The following BOLL variants were observed in gnomAD, a reference collection of about 807,000 sequenced individuals.
BOLL encodes protein boule-like.
A neutral mutation model predicts 44.4 loss-of-function variants in BOLL; 23 were observed. The ratio of observed to expected loss-of-function variants is 0.52; its 90% CI spans 0.37 to 0.73. The LOEUF (loss-of-function observed/expected upper bound fraction) is 0.73, where lower values mean the gene tolerates loss of function less well. Among genes scored for constraint, BOLL ranks in the 30% least tolerant of loss-of-function variants. The probability of loss-of-function intolerance (pLI) is 0.00; values close to 1 mark genes in which losing one functional copy is unlikely to be tolerated. For synonymous variants in BOLL, 97 were observed against 110.8 expected (o/e 0.88, Z 0.78); for missense variants, 287 against 338.3 (o/e 0.85, Z 1.19).
chr2:197,757,316 A>C, intron 8 of BOLL, 37 bp downstream of exon 8: 1 of 1,556,718 alleles, frequency 6.4e-7, no homozygotes, highest in Non-Finnish European at 8.8e-7. Flanking sequence ...ATAATGAAAG[A>C]AGGATTTAAA....
At chr2:197,739,711 A>G (rs1485875572) in intron 10 of BOLL, among the ~76,000 whole-genome samples, 1 of 152,190 alleles carries the variant, frequency 6.6e-6, no homozygotes, top group Admixed American at 6.6e-5. Flanking sequence ...TCACAGATCT[A>G]AGAACATTTA....
In BOLL at chr2:197,784,446, A is replaced by C. The variant is rs1441063442; in HGVS notation, c.-16+610T>G. Reference sequence around the variant, plus strand: ...TATATATATATATATATATATATATATATTTGAGACAGTCTTGCTCTGTCG... The same window carrying C: ...TATATATATATATATATATATATATCTATTTGAGACAGTCTTGCTCTGTCG... On this transcript the variant is annotated intron_variant, in intron 1 of 10. Transcript: ENST00000392296. Among the ~76,000 whole-genome samples the C allele has an allele frequency of 1.2e-3, 103 of 82,464 alleles. 1 individual carries two copies. The highest frequency in any genetic ancestry group is 4.0e-3 in the African/African-American group (90 of 22,256). The allele number at this position is 82,464 out of a possible 152,430, so 54.1% of individuals were successfully genotyped here. A position where few individuals can be genotyped will look rare whatever the true frequency, so the allele number is the denominator to read the frequency against.
At chr2:197,763,355 G>A (rs1688847783) in intron 7 of BOLL, among the ~76,000 whole-genome samples, 1 of 151,378 alleles carries the variant, frequency 6.6e-6, no homozygotes, top group Non-Finnish European at 1.5e-5. Context: ...AGTGGCGGGC[G>A]CCTGTAGTCC....
chr2:197,746,420 A>G lies in BOLL; in HGVS notation c.730-3261T>C, dbSNP rs1234686638. Among the ~76,000 whole-genome samples, 8 of 152,216 alleles carry G rather than the reference A, an allele frequency of 5.3e-5. No individual in the cohort carries two copies. The East Asian group carries it at 1.5e-3, about 29-fold the overall frequency. ...TTAGTGTCCATCAATCAGTGAATGG[A>G]TAAAGAAAATGTAGTATCCATATAC... On this transcript the variant is annotated intron_variant, in intron 9 of 10. Coordinates refer to ENST00000392296, the MANE Select transcript of BOLL (RefSeq NM_033030.6).
At position 197,757,399 on chromosome 2, in the gene BOLL, G is replaced by T. The variant is rs1047570451; in HGVS notation, c.554C>A (p.Ala185Asp). 7 of 1,607,090 alleles carry T rather than the reference G, an allele frequency of 4.4e-6. No homozygotes were observed. The Admixed American group carries it at 1.2e-4, about 27-fold the overall frequency. Residue 185 changes from alanine (A) to aspartate (D), a missense_variant and splice_region_variant, in exon 8 of 11, where the codon GCC (alanine) becomes GAC (aspartate). By Grantham distance (126) the Ala-to-Asp change is moderately radical (BLOSUM62 -2). Transcript: ENST00000392296. Reference protein sequence around the residue: ...IYQQPAYHYQATTQYLPGQWQ... With the variant: ...IYQQPAYHYQDTTQYLPGQWQ... ...CTGTCCTGGTAAATACTGTGTGGTGGCCTAAAATTAAATAAAAGAAAAGAA... is the reference window on the plus strand; with the variant it reads ...CTGTCCTGGTAAATACTGTGTGGTGTCCTAAAATTAAATAAAAGAAAAGAA...
intron 6 of BOLL, among the ~76,000 whole-genome samples, chr2:197,770,154 T>C (rs1689176845): frequency 6.6e-6 from 1 of 151,756 alleles, no homozygotes; most frequent in South Asian, 2.1e-4. Flanking sequence ...AAAACAGAGA[T>C]ATAGACCAAC....
At chr2:197,766,145 T>A (rs1688988306) in intron 7 of BOLL, among the ~76,000 whole-genome samples, 1 of 152,172 alleles carries the variant, frequency 6.6e-6, no homozygotes, top group Non-Finnish European at 1.5e-5. Context: ...GCAATGAACA[T>A]TCGCATGCAT....
chr2:197,784,732 A>G, intron 1 of BOLL: 3 of 987,542 alleles, frequency 3.0e-6, no homozygotes, highest in Non-Finnish European at 3.6e-6. Flanking sequence ...CAGGCCTACA[A>G]AATATTTTAA....
At chr2:197,779,880 A>G (rs1689688436) in intron 2 of BOLL, among the ~76,000 whole-genome samples, 1 of 152,008 alleles carries the variant, frequency 6.6e-6, no homozygotes, top group Non-Finnish European at 1.5e-5. Context: ...TCTCTAGAAA[A>G]AAATTTCTTT....
intron 3 of BOLL, among the ~76,000 whole-genome samples, chr2:197,777,824 G>A (rs573164641): frequency 6.6e-6 from 1 of 151,898 alleles, no homozygotes; most frequent in East Asian, 1.9e-4. Context: ...GATAACTTAA[G>A]TAAACTCTTC....
chr2:197,757,671 A>G (rs1363225747), intron 7 of BOLL, among the ~76,000 whole-genome samples: 1 of 152,184 alleles, frequency 6.6e-6, no homozygotes, highest in Non-Finnish European at 1.5e-5. Flanking sequence ...ATAAACAACA[A>G]AGCAACAACA....
At chr2:197,764,545 T>C (rs1021505839) in intron 7 of BOLL, among the ~76,000 whole-genome samples, 8 of 152,182 alleles carry the variant, frequency 5.3e-5, no homozygotes, top group Admixed American at 2.6e-4. Context: ...GTTTTATTTT[T>C]CCCCCTTTCT....
At chr2:197,784,798 T>G (rs1034304062) in intron 1 of BOLL, 1 of 987,528 alleles carries the variant, frequency 1.0e-6, no homozygotes, top group African/African-American at 1.7e-5. Context: ...TATAAACAAT[T>G]AGCGATGCAT....
chr2:197,772,441 G>A (rs1689309067), intron 5 of BOLL, among the ~76,000 whole-genome samples: 1 of 152,068 alleles, frequency 6.6e-6, no homozygotes, highest in African/African-American at 2.4e-5. Context: ...AGGCAGTAAA[G>A]TTGGAGAAGA....
At chr2:197,748,162 C>A (rs1458952770) in intron 9 of BOLL, among the ~76,000 whole-genome samples, 1 of 152,170 alleles carries the variant, frequency 6.6e-6, no homozygotes, top group African/African-American at 2.4e-5. Flanking sequence ...AACTCCCTTC[C>A]CCAGCCAAGG....
Position 197,766,609 on chromosome 2 carries a change from A to G in BOLL, c.481-6T>C, listed in dbSNP as rs377199698. 32 of 1,607,672 alleles carry G rather than the reference A, an allele frequency of 2.0e-5. No individual in the cohort carries two copies. The African/African-American group carries it at 3.9e-4, about 19-fold the overall frequency. On this transcript the variant is annotated splice_region_variant and splice_polypyrimidine_tract_variant and intron_variant, in intron 6 of 10. Transcript: ENST00000392296. ...GAGCTACATACAGAACGTGACTATA[A>G]AAGGATGGAAAAAGAAAAATTAGGC...
At position 197,746,958 on chromosome 2, in the gene BOLL, C is replaced by T. The variant is rs187113002; in HGVS notation, c.730-3799G>A. On this transcript the variant is annotated intron_variant, in intron 9 of 10. Transcript: ENST00000392296. ...GGTGGTTGCCAGGGACTGGGGATGG[C>T]GAGTGAGATGGGAGATGTTGGTCAA... Among the ~76,000 whole-genome samples the T allele has an allele frequency of 4.7e-5, 7 of 148,492 alleles. No homozygotes were observed. The South Asian group carries it at 8.7e-4, about 18-fold the overall frequency.
chr2:197,757,797 T>C (rs1178351412), intron 7 of BOLL, among the ~76,000 whole-genome samples: 1 of 152,094 alleles, frequency 6.6e-6, no homozygotes, highest in Non-Finnish European at 1.5e-5. Flanking sequence ...TAAAGAACTC[T>C]TACAACTCAA....
chr2:197,741,485 C>G (rs1687729555), intron 10 of BOLL, among the ~76,000 whole-genome samples: 1 of 152,114 alleles, frequency 6.6e-6, no homozygotes. Context: ...TGGAACAGAA[C>G]AGAGCCCTCA....
Sources: allele counts gnomAD v4.1 joint callset (sites outside exome capture counted in the v4.1 genomes callset), GRCh38; gene constraint gnomAD v4.1.1; transcripts MANE v1.5; gene names NCBI Gene and HGNC (gene_info 2026-07-23, HGNC 2026-07-21).